Variants in MCF2 observed in about 807,000 individuals in gnomAD.
MCF2 encodes proto-oncogene DBL.
Under a neutral mutation model 82.5 loss-of-function variants are expected in MCF2, and 44 were observed. The observed-to-expected ratio is 0.53, with a 90% CI of 0.42 to 0.69. MCF2 has a LOEUF of 0.69. Among genes scored for constraint, MCF2 ranks in the 30% least tolerant of loss-of-function variants. The pLI is 0.00. For missense variants in MCF2, 623 were observed against 663.1 expected (o/e 0.94, Z 0.66); for synonymous variants, 217 against 224.9 (o/e 0.96, Z 0.32).
intron 19 of MCF2, among the ~76,000 whole-genome samples, chrX:139,593,544 G>T (rs1326141570): frequency 9.9e-5 from 11 of 110,810 alleles, no homozygotes; most frequent in Non-Finnish European, 1.9e-4. Flanking sequence ...TATGAGGCCA[G>T]CATCATCCTG....
chrX:139,691,424 A>G (rs960822711), intron 1 of MCF2, among the ~76,000 whole-genome samples: 2 of 111,978 alleles, frequency 1.8e-5, no homozygotes, highest in African/African-American at 6.5e-5. Context: ...GCACTCCTCA[A>G]AGAGGCTGGG....
intron 24 of MCF2, 55 bp from the exon 29 acceptor site, chrX:139,582,558 C>A (rs371016612): frequency 3.2e-6 from 3 of 924,456 alleles, no homozygotes; most frequent in Non-Finnish European, 4.6e-6. Context: ...CCAAGTGAAG[C>A]CAAAAGAGCA....
Position 139,596,832 on chromosome X carries a change from A to T in MCF2, c.2056-62T>A, listed in dbSNP as rs745381253. ...AAGCTACATTCAGCTCTCTGACACC[A>T]ACATGTTAGGGTTCAGCTTAAGCTA... On this transcript the variant is annotated intron_variant, in intron 18 of 24. Transcript: ENST00000370576. 6.6e-6 allele frequency: 5 copies of T among 762,839 alleles called. No homozygotes were observed. The African/African-American group carries it at 8.3e-5, about 13-fold the overall frequency. 62.9% of individuals were successfully genotyped at this position (762,839 alleles called of 1,213,427 possible).
intron 19 of MCF2, among the ~76,000 whole-genome samples, chrX:139,590,552 C>T (rs983996073): frequency 3.2e-5 from 1 of 31,736 alleles, no homozygotes; most frequent in African/African-American, 2.0e-4. Context: ...AATATCTCTT[C>T]CTTATTCCTT....
At chrX:139,643,139 C>T (rs1262883248), upstream of MCF2, among the ~76,000 whole-genome samples, 6 of 111,679 alleles carry the variant, frequency 5.4e-5, no homozygotes, top group Middle Eastern at 4.7e-3. Context: ...CTTTCTAAGA[C>T]GGATACAATT....
intron 1 of MCF2, among the ~76,000 whole-genome samples, chrX:139,664,031 GTCTC>G (rs1934435053): frequency 9.1e-6 from 1 of 109,791 alleles, no homozygotes; most frequent in African/African-American, 3.3e-5. Flanking sequence ...TTGAGGCAGA[GTCTC>G]TCTCTGTCAC....
chrX:139,599,744 A>C (rs1284038325), intron 16 of MCF2, among the ~76,000 whole-genome samples: 2 of 111,892 alleles, frequency 1.8e-5, no homozygotes, highest in African/African-American at 6.5e-5. Context: ...TTTGGAAAAG[A>C]GTCCAGCAGT....
upstream of MCF2, among the ~76,000 whole-genome samples, chrX:139,647,502 G>A (rs1462647619): frequency 3.6e-5 from 4 of 111,575 alleles, no homozygotes; most frequent in Non-Finnish European, 7.5e-5. Flanking sequence ...CCAGGCAGAG[G>A]TGTAGGGTTG....
intron 1 of MCF2, among the ~76,000 whole-genome samples, chrX:139,667,849 C>T (rs1196358814): frequency 1.8e-5 from 2 of 112,074 alleles, no homozygotes; most frequent in Non-Finnish European, 3.8e-5. Flanking sequence ...GGCACACTCC[C>T]CAGCTCTAGC....
chrX:139,642,355 T>A (rs1933616705), intron 1 of MCF2: 1 of 993,074 alleles, frequency 1.0e-6, no homozygotes, highest in African/African-American at 1.9e-5. Context: ...CTCCATTCTC[T>A]CCATCTGTCC....
chrX:139,592,327 T>C (rs941122208), intron 19 of MCF2, among the ~76,000 whole-genome samples: 8 of 111,913 alleles, frequency 7.1e-5, no homozygotes, highest in Non-Finnish European at 1.3e-4. Context: ...ACCTTCTCTG[T>C]TTCCATGGTA....
At chrX:139,587,656 T>C in intron 22 of MCF2, 60 bp downstream of exon 26, 1 of 755,203 alleles carries the variant, frequency 1.3e-6, no homozygotes, top group Non-Finnish European at 2.0e-6. Context: ...CATTGCTTCA[T>C]GTTACATACA....
chrX:139,656,967 C>T (rs370278577), intron 1 of MCF2, among the ~76,000 whole-genome samples: 2 of 111,872 alleles, frequency 1.8e-5, no homozygotes, highest in East Asian at 5.6e-4. Context: ...GAAAACTCAA[C>T]TACTCACAGA....
At chrX:139,693,703 T>G (rs1382238313) in intron 1 of MCF2, among the ~76,000 whole-genome samples, 1 of 111,892 alleles carries the variant, frequency 8.9e-6, no homozygotes, top group Non-Finnish European at 1.9e-5. Context: ...ATTTCCGCAC[T>G]ACTGTGGGTA....
chrX:139,667,795 G>A (rs909929869), intron 1 of MCF2, among the ~76,000 whole-genome samples: 2 of 111,768 alleles, frequency 1.8e-5, no homozygotes, highest in African/African-American at 6.5e-5. Flanking sequence ...GTCCAAGCTG[G>A]TGGGTGGTGA....
At chrX:139,583,493 G>A (rs1203580669) in intron 24 of MCF2, among the ~76,000 whole-genome samples, 1 of 111,331 alleles carries the variant, frequency 9.0e-6, no homozygotes, top group Admixed American at 9.6e-5. Context: ...GCAAATTAAC[G>A]CAGGAACAGA....
chrX:139,592,860 T>C (rs1282669215), intron 19 of MCF2, among the ~76,000 whole-genome samples: 2 of 111,866 alleles, frequency 1.8e-5, no homozygotes, highest in African/African-American at 6.5e-5. Flanking sequence ...GGGCTGCTGA[T>C]CCTATGGGAA....
chrX:139,627,359 T>C lies in MCF2; in HGVS notation c.439-603A>G, dbSNP rs184079565. On this transcript the variant is annotated intron_variant, in intron 4 of 24. Coordinates refer to ENST00000370576, the Ensembl canonical transcript of MCF2. Reference sequence around the variant, plus strand: ...TTCAGATACAGTTAAATGCCTTTGCTACTAATCCTTAATTGTTACCAATCA... The same window carrying C: ...TTCAGATACAGTTAAATGCCTTTGCCACTAATCCTTAATTGTTACCAATCA... 1.4e-4 allele frequency among the ~76,000 whole-genome samples: 16 copies of C among 112,441 alleles called. No individual in the cohort carries two copies. The Admixed American group carries it at 1.5e-3, about 11-fold the overall frequency.
At chrX:139,588,310 A>T in intron 21 of MCF2, 50 bp downstream of exon 25, 1 of 958,513 alleles carries the variant, frequency 1.0e-6, no homozygotes, top group South Asian at 2.1e-5. Flanking sequence ...ATCTGAGTCA[A>T]TAAGCTGTTA....
Sources: allele counts gnomAD v4.1 joint callset (sites outside exome capture counted in the v4.1 genomes callset), GRCh38; gene constraint gnomAD v4.1.1; transcripts MANE v1.5; gene names NCBI Gene and HGNC (gene_info 2026-07-23, HGNC 2026-07-21).